The following TM4SF19 variants were observed in gnomAD, a reference collection of about 807,000 sequenced individuals.
TM4SF19 encodes the protein transmembrane 4 L six family member 19.
Under a neutral mutation model 21.8 loss-of-function variants are expected in TM4SF19, and 17 were observed. The ratio of observed to expected loss-of-function variants is 0.78; its 90% confidence interval spans 0.53 to 1.17. TM4SF19 has a LOEUF of 1.17. Among genes scored for constraint, TM4SF19 ranks in the 50% most tolerant of loss-of-function variants. The pLI, the probability that TM4SF19 is intolerant of heterozygous loss-of-function variation, is 0.00. For missense variants in TM4SF19, 216 were observed against 252.1 expected, an observed-to-expected ratio of 0.86 and a Z score of 0.97; for synonymous variants, 107 against 106.7, an observed-to-expected ratio of 1.00 and a Z score of -0.02.
At chr3:196,334,457 A>C (rs888114413) in intron 1 of TM4SF19, among the ~76,000 whole-genome samples, 3 of 146,296 alleles carry the variant, frequency 2.1e-5, no homozygotes, top group Non-Finnish European at 3.0e-5. Flanking sequence ...AGGATAAATA[A>C]TTTTTTTTTT....
At chr3:196,333,707 C>T (rs560888726) in intron 1 of TM4SF19, among the ~76,000 whole-genome samples, 7 of 152,242 alleles carry the variant, frequency 4.6e-5, no homozygotes, top group Non-Finnish European at 7.3e-5. Flanking sequence ...ACAATAGACA[C>T]GGAACAAGCC....
intron 1 of TM4SF19, among the ~76,000 whole-genome samples, chr3:196,331,632 A>G (rs1010074923): frequency 6.6e-6 from 1 of 152,060 alleles, no homozygotes; most frequent in Non-Finnish European, 1.5e-5. Flanking sequence ...TACTAAAAAT[A>G]CAAAACTAGC....
chr3:196,337,249 G>T (rs1275495117), intron 1 of TM4SF19, among the ~76,000 whole-genome samples: 1 of 151,800 alleles, frequency 6.6e-6, no homozygotes, highest in Non-Finnish European at 1.5e-5. Flanking sequence ...GTAGTGATGG[G>T]TTTTCGCCAT....
intron 1 of TM4SF19, among the ~76,000 whole-genome samples, chr3:196,329,316 C>A (rs1331160577): frequency 7.9e-6 from 1 of 126,880 alleles, no homozygotes; most frequent in Non-Finnish European, 1.7e-5. Context: ...GAACAATGCA[C>A]ATGCAAAACA....
chr3:196,335,778 C>T lies in TM4SF19; in HGVS notation c.-2+2486G>A, dbSNP rs574471152. ...CTGCTGCGATGTCCCCGCATGTCTG[C>T]ACATCCTCCCTCCGAGACGGTCCCA... On this transcript the variant is annotated intron_variant, in intron 1 of 4. Transcript: ENST00000273695. Among the ~76,000 whole-genome samples the T allele has an allele frequency of 2.1e-4, 32 of 152,184 alleles. No individual in the cohort carries two copies. In the East Asian group the frequency reaches 6.2e-3, roughly 29 times the overall value.
chr3:196,336,468 G>A (rs1332927248), intron 1 of TM4SF19, among the ~76,000 whole-genome samples: 1 of 152,200 alleles, frequency 6.6e-6, no homozygotes, highest in Admixed American at 6.5e-5. Context: ...AACTAAAAAT[G>A]ATGGACAGCG....
chr3:196,334,642 C>A (rs1727651385), intron 1 of TM4SF19, among the ~76,000 whole-genome samples: 1 of 151,900 alleles, frequency 6.6e-6, no homozygotes, highest in Non-Finnish European at 1.5e-5. Context: ...TTAGTAAAGA[C>A]AGGGTTTCAC....
intron 1 of TM4SF19, among the ~76,000 whole-genome samples, chr3:196,335,687 A>G (rs772386730): frequency 6.6e-6 from 1 of 151,884 alleles, no homozygotes; most frequent in Non-Finnish European, 1.5e-5. Flanking sequence ...AGTCACAGCA[A>G]GGAACCTGTC....
Position 196,323,608 on chromosome 3 carries a change from T to C in TM4SF19, c.*209A>G. ...AAACAATTATAATAACTTAGTTATT[T>C]ATCCTATCCATGGATCACCTGGAAG... is the stretch of plus-strand genomic sequence containing the variant. On this transcript the variant is annotated 3_prime_UTR_variant, in exon 5 of 5. Transcript: ENST00000273695. The C allele has an allele frequency of 1.1e-6, 1 of 912,910 alleles. No homozygotes were observed. Among genetic ancestry groups the C allele is most frequent in the Non-Finnish European group, 1.6e-6 (1 of 620,120 alleles). 56.6% of individuals were successfully genotyped at this position (912,910 alleles called of 1,614,324 possible).
At chr3:196,328,319 A>G (rs2108807734) in intron 1 of TM4SF19, among the ~76,000 whole-genome samples, 1 of 151,880 alleles carries the variant, frequency 6.6e-6, no homozygotes, top group African/African-American at 2.4e-5. Flanking sequence ...AAAAAGTAAC[A>G]TTGTTATTAT....
intron 1 of TM4SF19, among the ~76,000 whole-genome samples, chr3:196,337,572 C>A (rs1330497979): frequency 6.6e-6 from 1 of 152,100 alleles, no homozygotes; most frequent in Non-Finnish European, 1.5e-5. Flanking sequence ...TGTGTGTGAC[C>A]TTCCTCTAGT....
At position 196,323,626 on chromosome 3, in the gene TM4SF19, C is replaced by G. The variant is rs1255343377; in HGVS notation, c.*191G>C. 8 of 1,096,236 alleles carry G rather than the reference C, an allele frequency of 7.3e-6. No individual in the cohort carries two copies. Among genetic ancestry groups the G allele is most frequent in the Non-Finnish European group, 1.0e-5 (8 of 778,458 alleles). 67.9% of individuals were successfully genotyped at this position (1,096,236 alleles called of 1,614,324 possible). Reference sequence around the variant, plus strand: ...AGTTATTTATCCTATCCATGGATCACCTGGAAGTTTACAATGTGATTTAAA... The same window carrying G: ...AGTTATTTATCCTATCCATGGATCAGCTGGAAGTTTACAATGTGATTTAAA... On this transcript the variant is annotated 3_prime_UTR_variant, in exon 5 of 5. Transcript: ENST00000273695.
At chr3:196,326,757 G>C (rs926426864) in intron 3 of TM4SF19, among the ~76,000 whole-genome samples, 198 bp downstream of exon 3, 1 of 152,102 alleles carries the variant, frequency 6.6e-6, no homozygotes, top group Non-Finnish European at 1.5e-5. Context: ...CCCTTGACTT[G>C]ATCAGCTCCC....
intron 1 of TM4SF19, among the ~76,000 whole-genome samples, chr3:196,334,364 GCTTTT>G (rs1161266384): frequency 1.3e-5 from 2 of 151,218 alleles, no homozygotes; most frequent in East Asian, 1.9e-4. Context: ...CAAGACTGTA[GCTTTT>G]CTTTTCTTTT....
At chr3:196,327,313 ACT>A in intron 2 of TM4SF19, 75 bp downstream of exon 2, 3 of 1,403,216 alleles carry the variant, frequency 2.1e-6, no homozygotes, top group Non-Finnish European at 3.0e-6. Context: ...GAATCAAAAC[ACT>A]CTTCCCATGC....
In TM4SF19 at chr3:196,325,225, C is replaced by CA. The variant is rs1474026825; in HGVS notation, c.280-786dup. 1 of 152,036 alleles carries CA rather than the reference C, an allele frequency of 6.6e-6. No homozygotes were observed. The highest frequency in any genetic ancestry group is 1.5e-5 in the Non-Finnish European group (1 of 68,076). 9.4% of individuals were successfully genotyped at this position (152,036 alleles called of 1,614,324 possible). ...TCTCTCTCTCTCTTTCTTTTTGAGA[C>CA]AGAGTCTCACTCTGTCGCCCAGGCT... On this transcript the variant is annotated intron_variant, in intron 3 of 4. Transcript: ENST00000273695. This position sits in a 1 kb window ranked among gnomAD's most constrained non-coding sequence, Gnocchi z 4.3.
intron 1 of TM4SF19, among the ~76,000 whole-genome samples, chr3:196,336,231 T>C (rs1297655013): frequency 6.6e-6 from 1 of 151,958 alleles, no homozygotes; most frequent in Non-Finnish European, 1.5e-5. Flanking sequence ...CTCCGCCTCC[T>C]GGGTTCAAGT....
intron 1 of TM4SF19, 141 bp from the exon 2 acceptor site, chr3:196,327,732 C>T: frequency 3.0e-6 from 2 of 661,320 alleles, no homozygotes; most frequent in Non-Finnish European, 5.2e-6. Context: ...GCCAAGCAAC[C>T]TGCTTAAAAA....
chr3:196,332,505 A>AT (rs1341993974), intron 1 of TM4SF19, among the ~76,000 whole-genome samples: 25 of 150,594 alleles, frequency 1.7e-4, no homozygotes, highest in South Asian at 8.4e-4. Flanking sequence ...GGAAGAAAAA[A>AT]AATATATATA....
Sources: gnomAD v4.1 joint callset for allele counts (sites outside exome capture counted in the v4.1 genomes callset) on GRCh38, gnomAD v4.1.1 for gene constraint, Gnocchi (gnomAD v3.1) non-coding constraint, MANE v1.5 for transcripts, NCBI Gene and HGNC (gene_info 2026-07-23, HGNC 2026-07-21) for gene names.